Variants in TRAPPC8 observed in about 807,000 individuals in gnomAD.
The protein encoded by TRAPPC8 is general sporulation gene 1 homolog.
In TRAPPC8, 54 loss-of-function variants were observed where a neutral mutation model predicts 174.3. The ratio of observed to expected loss-of-function variants is 0.31; its 90% confidence interval spans 0.25 to 0.39. The LOEUF (loss-of-function observed/expected upper bound fraction) is 0.39, where lower values mean the gene tolerates loss of function less well. TRAPPC8 is among the 10% of genes least tolerant of loss of function. The pLI, the probability that TRAPPC8 is intolerant of heterozygous loss-of-function variation, is 1.00. For synonymous variants in TRAPPC8, 630 were observed against 579.9 expected (o/e 1.09, Z -1.24); for missense variants, 1,531 against 1,699.1 (o/e 0.90, Z 1.74).
At chr18:31,911,055 T>C (rs551463610) in intron 5 of TRAPPC8, among the ~76,000 whole-genome samples, 2 of 152,336 alleles carry the variant, frequency 1.3e-5, no homozygotes, top group East Asian at 3.9e-4. Context: ...CATTTAGATT[T>C]AAAGATTCCA....
chr18:31,845,463 A>C (rs1245180477), intron 26 of TRAPPC8, among the ~76,000 whole-genome samples: 1 of 151,480 alleles, frequency 6.6e-6, no homozygotes, highest in Non-Finnish European at 1.5e-5. Flanking sequence ...ATAATGTTGT[A>C]GTTTTTTTTT....
At chr18:31,938,110 TA>T (rs1479319207) in intron 1 of TRAPPC8, among the ~76,000 whole-genome samples, 3 of 152,170 alleles carry the variant, frequency 2.0e-5, no homozygotes, top group Non-Finnish European at 4.4e-5. Context: ...ACAGAACATC[TA>T]AATGATATAT....
At chr18:31,931,985 ACT>A (rs1037224203) in intron 1 of TRAPPC8, among the ~76,000 whole-genome samples, 2 of 152,096 alleles carry the variant, frequency 1.3e-5, no homozygotes, top group African/African-American at 4.8e-5. Flanking sequence ...CCTCTTTTTC[ACT>A]CTCATAAAAA....
At chr18:31,896,096 CAA>C (rs1046831072) in intron 11 of TRAPPC8, 1 of 152,126 alleles carries the variant, frequency 6.6e-6, no homozygotes, top group African/African-American at 2.4e-5. Flanking sequence ...TATAATATGA[CAA>C]GTCAGGTTTT....
intron 16 of TRAPPC8, among the ~76,000 whole-genome samples, chr18:31,868,613 C>T (rs975705634): frequency 1.3e-5 from 2 of 152,130 alleles, no homozygotes; most frequent in African/African-American, 4.8e-5. Flanking sequence ...AAATTATTAA[C>T]AATGAATATA....
At chr18:31,875,819 A>G (rs1004525824) in intron 12 of TRAPPC8, among the ~76,000 whole-genome samples, 9 of 152,142 alleles carry the variant, frequency 5.9e-5, no homozygotes, top group Admixed American at 2.0e-4. Context: ...GTACACAGAA[A>G]GACAGATCCT....
In TRAPPC8 at chr18:31,870,415, G is replaced by C; in HGVS notation, c.2345C>G (p.Pro782Arg). Residue 782 changes from proline to arginine, a missense_variant, in exon 16 of 29, where the codon CCT (proline) becomes CGT (arginine). Pro to Arg is a moderately radical substitution (Grantham distance 103, BLOSUM62 -2). Coordinates refer to ENST00000283351, the MANE Select transcript of TRAPPC8 (RefSeq NM_014939.5). ...TDLSLLWKFH[P>R]KDFSGKDNEE... ...ATTATCCTTTCCACTGAAATCTTTA[G>C]GATGAAACTTCCAAAGCAATGACAA... The C allele has an allele frequency of 1.2e-6, 2 of 1,612,222 alleles. No individual in the cohort carries two copies. Among genetic ancestry groups the C allele is most frequent in the Non-Finnish European group, 1.7e-6 (2 of 1,179,080 alleles).
At chr18:31,851,348 T>C (rs547681919) in intron 24 of TRAPPC8, among the ~76,000 whole-genome samples, 1 of 152,300 alleles carries the variant, frequency 6.6e-6, no homozygotes, top group South Asian at 2.1e-4. Context: ...GGTCCAATTA[T>C]GGTCTGCAGG....
intron 4 of TRAPPC8, among the ~76,000 whole-genome samples, chr18:31,913,856 GC>G (rs371763066): frequency 1.0e-3 from 159 of 152,198 alleles, no homozygotes; most frequent in African/African-American, 3.7e-3. Context: ...AAACTAGATT[GC>G]GGGGGGAACT....
At chr18:31,910,045 T>C (rs1426605095) in intron 5 of TRAPPC8, among the ~76,000 whole-genome samples, 4 of 152,148 alleles carry the variant, frequency 2.6e-5, no homozygotes, top group Non-Finnish European at 4.4e-5. Context: ...ATATGATATG[T>C]ATATACACGA....
intron 5 of TRAPPC8, among the ~76,000 whole-genome samples, chr18:31,912,709 T>C (rs960446013): frequency 3.3e-5 from 5 of 151,846 alleles, no homozygotes; most frequent in African/African-American, 7.3e-5. Context: ...CCCCAGAGCA[T>C]GTAGATAATA....
At chr18:31,941,135 G>A (rs2038318674) in intron 1 of TRAPPC8, among the ~76,000 whole-genome samples, 1 of 152,182 alleles carries the variant, frequency 6.6e-6, no homozygotes, top group Non-Finnish European at 1.5e-5. Context: ...ACTAGCTCAA[G>A]TGTTTGTGTT....
chr18:31,857,167 T>C (rs2034066037), intron 20 of TRAPPC8, among the ~76,000 whole-genome samples: 1 of 152,112 alleles, frequency 6.6e-6, no homozygotes, highest in Non-Finnish European at 1.5e-5. Flanking sequence ...CAAAACAATT[T>C]TCTTAAAAAA....
At chr18:31,918,127 AAATAAT>A (rs755181174) in intron 2 of TRAPPC8, among the ~76,000 whole-genome samples, 2 of 151,844 alleles carry the variant, frequency 1.3e-5, no homozygotes, top group Non-Finnish European at 2.9e-5. Flanking sequence ...CTCCGTCTCA[AAATAAT>A]AATAATAATA....
intron 1 of TRAPPC8, among the ~76,000 whole-genome samples, chr18:31,938,071 AGT>A (rs2038179836): frequency 6.6e-6 from 1 of 152,212 alleles, no homozygotes; most frequent in African/African-American, 2.4e-5. Flanking sequence ...CTTCCAAGTT[AGT>A]GTTTAAGTGA....
At chr18:31,938,678 C>T (rs1304083637) in intron 1 of TRAPPC8, among the ~76,000 whole-genome samples, 2 of 152,180 alleles carry the variant, frequency 1.3e-5, no homozygotes, top group African/African-American at 4.8e-5. Flanking sequence ...GAAATTGAGT[C>T]TTCTTTTTTA....
rs2035050283 is a variant in TRAPPC8 at position 31,874,606 on chromosome 18, G to A, written c.1827C>T (p.Arg609=). Residue 609 remains arginine, a synonymous_variant, in exon 13 of 29, where the codon CGC becomes CGT. Transcript: ENST00000283351. ...CCAGCTGTCTAAGAGTATAGGACTG[G>A]CGCCCAATAGTGAAATTAATGTGAT... is the stretch of plus-strand genomic sequence containing the variant. The part of the protein sequence containing the change: ...AEDHINFTIG[R]QSYTLRQLDN... The A allele has an allele frequency of 6.2e-7, 1 of 1,613,958 alleles. No individual in the cohort carries two copies. Among genetic ancestry groups the A allele is most frequent in the Admixed American group, 1.7e-5 (1 of 59,984 alleles).
intron 11 of TRAPPC8, among the ~76,000 whole-genome samples, chr18:31,893,468 C>A (rs780316705): frequency 5.9e-5 from 9 of 151,830 alleles, no homozygotes; most frequent in Admixed American, 2.0e-4. Flanking sequence ...TTAATCAAGC[C>A]ATAATATATT....
intron 6 of TRAPPC8, among the ~76,000 whole-genome samples, chr18:31,909,370 T>C (rs1202943730): frequency 6.6e-6 from 1 of 151,904 alleles, no homozygotes; most frequent in Non-Finnish European, 1.5e-5. Context: ...AAGTCAGAAA[T>C]AAAGCTCTCA....
Sources: allele counts gnomAD v4.1 joint callset (sites outside exome capture counted in the v4.1 genomes callset), GRCh38; gene constraint gnomAD v4.1.1; transcripts MANE v1.5; gene names NCBI Gene and HGNC (gene_info 2026-07-23, HGNC 2026-07-21).